SARM1: variants seen among roughly 807,000 people sequenced by gnomAD.
SARM1 encodes the protein NAD(+) hydrolase SARM1.
In SARM1, 60 loss-of-function variants were observed where a neutral mutation model predicts 65.1. The observed-to-expected ratio is 0.92, with a 90% confidence interval of 0.75 to 1.14. The LOEUF is 1.14. SARM1 is among the 50% of genes most tolerant of loss of function. The probability of loss-of-function intolerance (pLI) is 0.00; values close to 1 mark genes in which losing one functional copy is unlikely to be tolerated. For missense variants in SARM1, 913 were observed against 1,015.7 expected (o/e 0.90, Z 1.37); for synonymous variants, 417 against 465.4 (o/e 0.90, Z 1.34).
In SARM1 at chr17:28,385,293, G is replaced by A; in HGVS notation, c.1630+18G>A. ...GGCCAGAGGTCAGCCCGCTCACCCG[G>A]GACCCCGCCCCAGCCCCAGCCCCAG... On this transcript the variant is annotated intron_variant, in intron 5 of 8. Coordinates refer to ENST00000585482, the MANE Select transcript of SARM1 (RefSeq NM_015077.4). This position sits in a 1 kb window ranked among gnomAD's most constrained non-coding sequence, Gnocchi z 4.5. The A allele has an allele frequency of 6.7e-7, 1 of 1,501,520 alleles. No homozygotes were observed. The highest frequency in any genetic ancestry group is 2.5e-5 in the East Asian group (1 of 40,628). 93.0% of individuals were successfully genotyped at this position (1,501,520 alleles called of 1,614,324 possible). A position where few individuals can be genotyped will look rare whatever the true frequency, so the allele number is the denominator to read the frequency against.
At chr17:28,374,946 C>G (rs1230387309) in intron 1 of SARM1, among the ~76,000 whole-genome samples, 1 of 143,028 alleles carries the variant, frequency 7.0e-6, no homozygotes, top group Non-Finnish European at 1.5e-5. Flanking sequence ...GCTTTCCAGC[C>G]TCAGTGACAG....
intron 1 of SARM1, among the ~76,000 whole-genome samples, chr17:28,374,970 C>CAAAAAAAAAAAAAAAAAAAAAAAAAA (rs35032822): frequency 1.4e-5 from 1 of 70,432 alleles, no homozygotes. Flanking sequence ...CAGACCTTGT[C>CAAAAAAAAAAAAAAAAAAAAAAAAAA]AAAAAAAAAA....
chr17:28,399,621 G>C lies in SARM1; in HGVS notation c.*3335G>C. 6.2e-7 allele frequency: 1 copy of C among 1,611,316 alleles called. No individual in the cohort carries two copies. The highest frequency in any genetic ancestry group is 1.3e-5 in the African/African-American group (1 of 74,998). On this transcript the variant is annotated 3_prime_UTR_variant, in exon 9 of 9. Coordinates refer to ENST00000585482, the MANE Select transcript of SARM1 (RefSeq NM_015077.4). Reference sequence around the variant, plus strand: ...CCTCCAGTTGCTTGGTGTTCACTTTGCTCCTCTTGCCCTCTGTCTTCTGGT... The same window carrying C: ...CCTCCAGTTGCTTGGTGTTCACTTTCCTCCTCTTGCCCTCTGTCTTCTGGT...
At chr17:28,379,888 T>C (rs528180690) in intron 1 of SARM1, among the ~76,000 whole-genome samples, 1 of 152,380 alleles carries the variant, frequency 6.6e-6, no homozygotes, top group African/African-American at 2.4e-5. Flanking sequence ...TGATTACTAA[T>C]GAGTTAGAGC....
rs1555590188 is a variant in SARM1 at position 28,403,980 on chromosome 17, T to C, written c.*7694T>C. 2 of 154,736 alleles carry C rather than the reference T, an allele frequency of 1.3e-5. No homozygotes were observed. The highest frequency in any genetic ancestry group is 2.9e-5 in the Non-Finnish European group (2 of 69,846). The allele number at this position is 154,736 out of a possible 1,614,324, so 9.6% of individuals were successfully genotyped here. A position where few individuals can be genotyped will look rare whatever the true frequency, so the allele number is the denominator to read the frequency against. On this transcript the variant is annotated 3_prime_UTR_variant, in exon 9 of 9. Coordinates refer to ENST00000585482, the MANE Select transcript of SARM1 (RefSeq NM_015077.4). ...GTGAGCCATGATCGTGCCACTGCAC[T>C]CTAGCCTGGGTAACAAAGCGAGACC...
At chr17:28,388,766 CTTT>C (rs371410539) in intron 7 of SARM1, among the ~76,000 whole-genome samples, 6 of 135,872 alleles carry the variant, frequency 4.4e-5, no homozygotes, top group Admixed American at 7.4e-5. Flanking sequence ...TTTTCTTTTT[CTTT>C]TTTTTTTTTT....
Position 28,384,699 on chromosome 17 carries a change from C to A in SARM1, c.1302+130C>A. On this transcript the variant is annotated intron_variant, in intron 3 of 8. Transcript: ENST00000585482. The surrounding 1 kb of genome is among the most constrained non-coding windows in gnomAD (Gnocchi z 4.4). The stretch of plus-strand genomic sequence containing the variant: ...TTGGGGGCGGGGAGCCTGTACGCAG[C>A]CACCGTTAGGGTCACTCGGCTCTGA... 1.7e-6 allele frequency: 2 copies of A among 1,208,076 alleles called. No homozygotes were observed. Among genetic ancestry groups the A allele is most frequent in the Non-Finnish European group, 1.2e-6 (1 of 856,952 alleles). 74.8% of individuals were successfully genotyped at this position (1,208,076 alleles called of 1,614,324 possible). A position where few individuals can be genotyped will look rare whatever the true frequency, so the allele number is the denominator to read the frequency against.
Position 28,381,464 on chromosome 17 carries a change from C to T in SARM1, c.732C>T (p.Arg244=). The part of the protein sequence containing the change: ...ALHGGQAVQR[R]MVEKRAAEWL... ...ACGGGGGCCAGGCGGTGCAGCGACG[C>T]ATGGTAGAGAAGCGCGCAGCCGAGT... is the stretch of plus-strand genomic sequence containing the variant. The change falls in exon 2 of 9, where the codon CGC becomes CGT. Residue 244 remains arginine, a synonymous_variant. Transcript: ENST00000585482. The T allele has an allele frequency of 6.4e-7, 1 of 1,551,850 alleles. No individual in the cohort carries two copies. Among genetic ancestry groups the T allele is most frequent in the South Asian group, 1.2e-5 (1 of 84,198 alleles).
At chr17:28,379,836 C>T (rs1306508527) in intron 1 of SARM1, among the ~76,000 whole-genome samples, 2 of 152,166 alleles carry the variant, frequency 1.3e-5, no homozygotes, top group Non-Finnish European at 2.9e-5. Context: ...TGTTGAAGAA[C>T]ATTTCAGGTA....
At chr17:28,393,145 A>G (rs1370779967) in intron 7 of SARM1, among the ~76,000 whole-genome samples, 1 of 152,232 alleles carries the variant, frequency 6.6e-6, no homozygotes, top group African/African-American at 2.4e-5. Flanking sequence ...TTACGTATTA[A>G]GCATACACTG....
Position 28,398,260 on chromosome 17 carries a change from A to G in SARM1, c.*1974A>G, listed in dbSNP as rs1463167568. ...GAGAGGTTTCCTGCGTTTTATTTCT[A>G]TTTGGTATACCCTCCACTGTTGTCC... On this transcript the variant is annotated 3_prime_UTR_variant, in exon 9 of 9. Transcript: ENST00000585482. 3 of 152,106 alleles carry G rather than the reference A, an allele frequency of 2.0e-5. No individual in the cohort carries two copies. The highest frequency in any genetic ancestry group is 7.3e-5 in the African/African-American group (3 of 41,360). The allele number at this position is 152,106 out of a possible 1,614,324, so 9.4% of individuals were successfully genotyped here.
At chr17:28,382,834 G>T (rs555787228) in intron 2 of SARM1, among the ~76,000 whole-genome samples, 2 of 688 alleles carry the variant, frequency 2.9e-3, no homozygotes, top group Non-Finnish European at 4.1e-3. Context: ...CTACAAGCAC[G>T]CACCACAATC....
At chr17:28,375,226 A>G (rs2067982246) in intron 1 of SARM1, among the ~76,000 whole-genome samples, 1 of 152,184 alleles carries the variant, frequency 6.6e-6, no homozygotes, top group Non-Finnish European at 1.5e-5. Context: ...GGGGATCTTA[A>G]TGAAGCTATC....
rs2068022783 is a variant in SARM1 at position 28,381,373 on chromosome 17, G to C, written c.641G>C (p.Trp214Ser). 2 of 1,568,224 alleles carry C rather than the reference G, an allele frequency of 1.3e-6. No homozygotes were observed. The highest frequency in any genetic ancestry group is 8.6e-7 in the Non-Finnish European group (1 of 1,157,480). The change falls in exon 2 of 9, where the codon TGG (tryptophan) becomes TCG (serine). Residue 214 changes from tryptophan (W) to serine (S), a missense_variant. Coordinates refer to ENST00000585482, the MANE Select transcript of SARM1 (RefSeq NM_015077.4). ...GGCGGCCTGGACGCGGTGCTGTATT[G>C]GTGCCGCCGCACGGACCCCGCGCTG... ...AAGGLDAVLY[W>S]CRRTDPALLR... is the part of the protein sequence containing the mutation.
intron 1 of SARM1, among the ~76,000 whole-genome samples, chr17:28,376,347 T>G (rs1380484109): frequency 2.2e-5 from 3 of 136,308 alleles, no homozygotes; most frequent in African/African-American, 8.5e-5. Context: ...TCGTTTGAGG[T>G]CAGGAGTTCA....
chr17:28,395,749 C>A, intron 7 of SARM1, 156 bp from the exon 8 acceptor site: 2 of 709,174 alleles, frequency 2.8e-6, no homozygotes, highest in Non-Finnish European at 2.4e-6. Flanking sequence ...TTTTTTATTA[C>A]ACTACAAGGG....
rs782294365 is a variant in SARM1, at chr17:28,384,536, G to T, written c.1269G>T (p.Gln423His). 1.9e-6 allele frequency: 3 copies of T among 1,612,140 alleles called. No homozygotes were observed. Among genetic ancestry groups the T allele is most frequent in the Non-Finnish European group, 2.5e-6 (3 of 1,179,320 alleles). ...KEAEVQTWLQ[Q>H]IGFSKYCESF... ...CCGAGGTTCAGACGTGGCTGCAGCA[G>T]ATCGGTTTCTCCAAGTACTGCGAGA... Residue 423 changes from glutamine (Q) to histidine (H), a missense_variant, in exon 3 of 9, where the codon CAG becomes CAT. Physicochemically the swap from Gln to His is conservative, Grantham distance 24. Transcript: ENST00000585482. This position sits in a 1 kb window ranked among gnomAD's most constrained non-coding sequence, Gnocchi z 4.4.
In SARM1 at chr17:28,400,301, A is replaced by C. The variant is rs1188078224; in HGVS notation, c.*4015A>C. 4 of 370,510 alleles carry C rather than the reference A, an allele frequency of 1.1e-5. No individual in the cohort carries two copies. In the East Asian group the frequency reaches 2.4e-4, roughly 22 times the overall value. The allele number at this position is 370,510 out of a possible 1,614,324, so 23.0% of individuals were successfully genotyped here. On this transcript the variant is annotated 3_prime_UTR_variant, in exon 9 of 9. Coordinates refer to ENST00000585482, the MANE Select transcript of SARM1 (RefSeq NM_015077.4). ...AGCTTCCTGGCCTTCCCTTTAACACAGTTCTGCTGCCATAGTTCCATCTAT... is the reference window on the plus strand; with the variant it reads ...AGCTTCCTGGCCTTCCCTTTAACACCGTTCTGCTGCCATAGTTCCATCTAT...
chr17:28,394,512 T>C, intron 7 of SARM1, among the ~76,000 whole-genome samples: 1 of 152,206 alleles, frequency 6.6e-6, no homozygotes, highest in East Asian at 1.9e-4. Context: ...TCAATTCAAT[T>C]CTGAAATGTC....
Sources: gnomAD v4.1 joint callset for allele counts (sites outside exome capture counted in the v4.1 genomes callset) on GRCh38, gnomAD v4.1.1 for gene constraint, Gnocchi (gnomAD v3.1) non-coding constraint, MANE v1.5 for transcripts, NCBI Gene and HGNC (gene_info 2026-07-23, HGNC 2026-07-21) for gene names.